The following ERG variants were observed in gnomAD, a reference collection of about 807,000 sequenced individuals.
ERG encodes transcriptional regulator ERG.
Under a neutral mutation model 55.3 loss-of-function variants are expected in ERG, and 9 were observed. The ratio of observed to expected loss-of-function variants is 0.16; its 90% CI spans 0.10 to 0.28. ERG has a LOEUF of 0.28. Ranked by LOEUF, ERG falls within the 10% of genes least tolerant of loss-of-function variation. The pLI is 1.00. For missense variants in ERG, 434 were observed against 631.6 expected (o/e 0.69, Z 3.35); for synonymous variants, 223 against 237.3 (o/e 0.94, Z 0.55).
rs567159806 is a variant in ERG, at chr21:38,529,906, C to T, written c.-41+45756G>A. On this transcript the variant is annotated intron_variant, in intron 2 of 8. Transcript: ENST00000398897. The stretch of plus-strand genomic sequence containing the variant: ...ACTTGAACCCAGGAGGCAGAAGTTG[C>T]AGTGAACCGAGATCACGCCATTGCA... 5.2e-4 allele frequency among the ~76,000 whole-genome samples: 79 copies of T among 152,034 alleles called. 1 individual carries two copies. Among genetic ancestry groups the T allele is most frequent in the African/African-American group, 1.7e-3 (71 of 41,508 alleles).
At chr21:38,438,996 C>T (rs542487010) in intron 2 of ERG, among the ~76,000 whole-genome samples, 11 of 152,324 alleles carry the variant, frequency 7.2e-5, no homozygotes, top group South Asian at 2.1e-4. Flanking sequence ...CCGGAGCCCA[C>T]GCTGAGAATC....
chr21:38,591,882 T>C (rs114143767), intron 1 of ERG, among the ~76,000 whole-genome samples: 119 of 152,244 alleles, frequency 7.8e-4, no homozygotes, highest in African/African-American at 2.7e-3. Flanking sequence ...GAAAAGAAGG[T>C]TTATCTTATT....
At chr21:38,556,026 C>T (rs1031309317) in intron 2 of ERG, among the ~76,000 whole-genome samples, 5 of 151,978 alleles carry the variant, frequency 3.3e-5, no homozygotes, top group Non-Finnish European at 7.4e-5. Context: ...CTGTATATAA[C>T]AGCCAAGAAT....
chr21:38,619,371 C>A (rs1443859431), intron 1 of ERG, among the ~76,000 whole-genome samples: 1 of 152,090 alleles, frequency 6.6e-6, no homozygotes, highest in Non-Finnish European at 1.5e-5. Flanking sequence ...CTCCCCTCAT[C>A]CTCCTCCTCT....
At chr21:38,572,281 T>A (rs1388650909) in intron 2 of ERG, among the ~76,000 whole-genome samples, 2 of 141,274 alleles carry the variant, frequency 1.4e-5, no homozygotes, top group African/African-American at 2.7e-5. Context: ...GGCAGGAGAA[T>A]GGCGGGAACC....
intron 1 of ERG, among the ~76,000 whole-genome samples, chr21:38,616,112 T>C (rs2060257305): frequency 1.3e-5 from 2 of 152,118 alleles, no homozygotes; most frequent in African/African-American, 4.8e-5. Context: ...CAGATGATTT[T>C]ATATGTTTGA....
At chr21:38,423,753 C>T (rs560657997) in intron 2 of ERG, among the ~76,000 whole-genome samples, 192 bp from the exon 3 acceptor site, 79 of 152,120 alleles carry the variant, frequency 5.2e-4, no homozygotes, top group African/African-American at 1.8e-3. Context: ...TTTGGGATGC[C>T]GAGGTGGGCG....
At chr21:38,651,181 A>G (rs970704266) in intron 1 of ERG, among the ~76,000 whole-genome samples, 1 of 152,228 alleles carries the variant, frequency 6.6e-6, no homozygotes. Flanking sequence ...GAAATTATAC[A>G]TACATTTTTC....
chr21:38,476,301 G>A (rs1023129962), intron 1 of ERG, among the ~76,000 whole-genome samples: 4 of 152,144 alleles, frequency 2.6e-5, no homozygotes, highest in African/African-American at 7.2e-5. Flanking sequence ...AGAGAGAGGC[G>A]GGCTGCAATC....
At chr21:38,628,776 G>A (rs2060339969) in intron 1 of ERG, among the ~76,000 whole-genome samples, 1 of 152,164 alleles carries the variant, frequency 6.6e-6, no homozygotes, top group Non-Finnish European at 1.5e-5. Context: ...GAGTCAACAA[G>A]GCTGAGTTTG....
intron 1 of ERG, among the ~76,000 whole-genome samples, chr21:38,496,527 A>G (rs1342730295): frequency 1.3e-5 from 2 of 152,214 alleles, no homozygotes; most frequent in Non-Finnish European, 2.9e-5. Flanking sequence ...GAAGTCACCT[A>G]TAAAGAGGGC....
At chr21:38,513,793 G>A (rs2059531971) in intron 2 of ERG, among the ~76,000 whole-genome samples, 1 of 151,944 alleles carries the variant, frequency 6.6e-6, no homozygotes, top group Non-Finnish European at 1.5e-5. Context: ...TAACAAATGA[G>A]AACAAAATTG....
intron 2 of ERG, among the ~76,000 whole-genome samples, chr21:38,504,528 G>C (rs1601151756): frequency 1.3e-5 from 2 of 152,116 alleles, no homozygotes; most frequent in East Asian, 3.9e-4. Context: ...CCAATTATTA[G>C]GCTTCTCCAT....
intron 2 of ERG, among the ~76,000 whole-genome samples, chr21:38,557,450 A>G (rs1021816392): frequency 6.6e-6 from 1 of 152,224 alleles, no homozygotes; most frequent in African/African-American, 2.4e-5. Context: ...GCTGCAAGTC[A>G]TAAGTCTTTG....
chr21:38,509,453 C>A (rs890490194), intron 2 of ERG, among the ~76,000 whole-genome samples: 1 of 152,092 alleles, frequency 6.6e-6, no homozygotes, highest in Non-Finnish European at 1.5e-5. Flanking sequence ...GTATTTTGAC[C>A]CAACAGAAAG....
At chr21:38,613,555 C>G (rs2060241083) in intron 1 of ERG, among the ~76,000 whole-genome samples, 1 of 152,218 alleles carries the variant, frequency 6.6e-6, no homozygotes, top group Non-Finnish European at 1.5e-5. Flanking sequence ...CAGACATCAG[C>G]AAATGACAGC....
At chr21:38,588,931 A>G (rs1568934118), upstream of ERG, among the ~76,000 whole-genome samples, 1 of 151,940 alleles carries the variant, frequency 6.6e-6, no homozygotes, top group Non-Finnish European at 1.5e-5. Context: ...AGATCTCACT[A>G]TTTTGTCCAG....
intron 2 of ERG, among the ~76,000 whole-genome samples, chr21:38,524,370 T>C (rs1322552900): frequency 1.3e-5 from 2 of 152,232 alleles, no homozygotes; most frequent in African/African-American, 4.8e-5. Flanking sequence ...CTAGGAATCG[T>C]TATGCAACCA....
intron 1 of ERG, among the ~76,000 whole-genome samples, chr21:38,446,287 G>T (rs1437396237): frequency 1.3e-5 from 2 of 148,178 alleles, no homozygotes; most frequent in Non-Finnish European, 3.0e-5. Context: ...CAAACAGCAG[G>T]ATGTTTAAAA....
Sources: allele counts gnomAD v4.1 joint callset (sites outside exome capture counted in the v4.1 genomes callset), GRCh38; gene constraint gnomAD v4.1.1; transcripts MANE v1.5; gene names NCBI Gene and HGNC (gene_info 2026-07-23, HGNC 2026-07-21).